CREB3L2: variants seen among roughly 807,000 people sequenced by gnomAD.
CREB3L2 encodes cyclic AMP-responsive element-binding protein 3-like protein 2.
Under a neutral mutation model 57.2 loss-of-function variants are expected in CREB3L2, and 23 were observed. The ratio of observed to expected loss-of-function variants is 0.40; its 90% CI spans 0.29 to 0.57. CREB3L2 has a LOEUF of 0.57. Ranked by LOEUF, CREB3L2 falls within the 20% of genes least tolerant of loss-of-function variation. CREB3L2 has a pLI of 0.42. For synonymous variants in CREB3L2, 268 were observed against 265.1 expected (o/e 1.01, Z -0.11); for missense variants, 628 against 634.7 (o/e 0.99, Z 0.11).
Position 137,878,996 on chromosome 7 carries a change from G to A in CREB3L2, c.*1480C>T. ...AGCCAAAACCAAAGGCATTTCAGCT[G>A]CTAATAAAAATAAAATACAAACTCT... On this transcript the variant is annotated 3_prime_UTR_variant, in exon 12 of 12. Coordinates refer to ENST00000330387, the MANE Select transcript of CREB3L2 (RefSeq NM_194071.4). 2.4e-6 allele frequency: 1 copy of A among 416,148 alleles called. No individual in the cohort carries two copies. Among genetic ancestry groups the A allele is most frequent in the Non-Finnish European group, 4.5e-6 (1 of 221,864 alleles). The allele number at this position is 416,148 out of a possible 1,614,324, so 25.8% of individuals were successfully genotyped here. A position where few individuals can be genotyped will look rare whatever the true frequency, so the allele number is the denominator to read the frequency against.
At chr7:137,922,437 CGTATATATAT>C (rs1800340045) in intron 2 of CREB3L2, among the ~76,000 whole-genome samples, 11 of 98,902 alleles carry the variant, frequency 1.1e-4, no homozygotes, top group African/African-American at 7.2e-4. Flanking sequence ...TATATATATA[CGTATATATAT>C]ATATATACAC....
At chr7:137,934,975 C>T (rs1800750141) in intron 1 of CREB3L2, among the ~76,000 whole-genome samples, 1 of 152,176 alleles carries the variant, frequency 6.6e-6, no homozygotes, top group South Asian at 2.1e-4. Flanking sequence ...TGCAACTATC[C>T]CATAAAGTTT....
intron 5 of CREB3L2, 70 bp downstream of exon 5, chr7:137,908,182 C>A: frequency 9.0e-7 from 1 of 1,105,620 alleles, no homozygotes; most frequent in South Asian, 4.6e-5. Flanking sequence ...TGGTCCTGCT[C>A]TGGATACAGC....
At chr7:137,979,521 C>A (rs55697037) in intron 1 of CREB3L2, among the ~76,000 whole-genome samples, 15 of 152,020 alleles carry the variant, frequency 9.9e-5, no homozygotes, top group African/African-American at 2.4e-4. Flanking sequence ...GTCAGGAGAT[C>A]GAGACCATCC....
intron 10 of CREB3L2, among the ~76,000 whole-genome samples, chr7:137,883,002 G>T (rs1296253003): frequency 1.3e-5 from 2 of 152,202 alleles, no homozygotes; most frequent in Non-Finnish European, 2.9e-5. Context: ...AAAAGAAGCA[G>T]CATTCCCAGT....
intron 1 of CREB3L2, among the ~76,000 whole-genome samples, chr7:137,932,947 G>C (rs1327046165): frequency 6.6e-6 from 1 of 152,202 alleles, no homozygotes; most frequent in Non-Finnish European, 1.5e-5. Context: ...GGTCTAAGCA[G>C]GCCCGAGATT....
In CREB3L2 at chr7:137,875,560, G is replaced by GA; in HGVS notation, c.*4915dup. On this transcript the variant is annotated 3_prime_UTR_variant, in exon 12 of 12. Transcript: ENST00000330387. ...AAAGATAGGAGATGGACACCTGGGG[G>GA]ACTGCTCCAGCACGAAGGGAAGCGA... The GA allele has an allele frequency of 4.5e-6, 1 of 224,018 alleles. No homozygotes were observed. Among genetic ancestry groups the GA allele is most frequent in the East Asian group, 6.4e-5 (1 of 15,532 alleles). 13.9% of individuals were successfully genotyped at this position (224,018 alleles called of 1,614,324 possible). A position where few individuals can be genotyped will look rare whatever the true frequency, so the allele number is the denominator to read the frequency against.
At position 137,875,294 on chromosome 7, in the gene CREB3L2, TA is replaced by T; in HGVS notation, c.*5181del. The T allele has an allele frequency of 1.4e-5, 3 of 218,828 alleles. No individual in the cohort carries two copies. The highest frequency in any genetic ancestry group is 1.4e-4 in the East Asian group (2 of 14,754). 13.6% of individuals were successfully genotyped at this position (218,828 alleles called of 1,614,324 possible). ...AGCTCAGGGCCTGCTCAGCATTGTT[TA>T]AAAAGGGTCACTCACAGTTTTGTCA... is the stretch of plus-strand genomic sequence containing the variant. On this transcript the variant is annotated 3_prime_UTR_variant, in exon 12 of 12. Coordinates refer to ENST00000330387, the MANE Select transcript of CREB3L2 (RefSeq NM_194071.4).
intron 5 of CREB3L2, 50 bp from the exon 6 acceptor site, chr7:137,905,898 A>G: frequency 6.6e-7 from 1 of 1,520,242 alleles, no homozygotes; most frequent in Non-Finnish European, 8.8e-7. Flanking sequence ...AACTGGGACC[A>G]CTGAAGAATC....
intron 8 of CREB3L2, 131 bp from the exon 9 acceptor site, chr7:137,885,633 C>T (rs765706466): frequency 3.0e-5 from 21 of 703,260 alleles, no homozygotes; most frequent in African/African-American, 5.4e-5. Context: ...GGACAGTTTC[C>T]TCTGGAAGAA....
intron 1 of CREB3L2, among the ~76,000 whole-genome samples, chr7:137,970,217 C>A (rs1801483899): frequency 6.6e-6 from 1 of 152,204 alleles, no homozygotes; most frequent in Non-Finnish European, 1.5e-5. Flanking sequence ...TAATAAGTCA[C>A]AGGAGTTATT....
intron 1 of CREB3L2, among the ~76,000 whole-genome samples, chr7:137,952,521 G>T (rs926417219): frequency 6.6e-6 from 1 of 152,174 alleles, no homozygotes; most frequent in Admixed American, 6.5e-5. Flanking sequence ...GCCAGTCTGT[G>T]AAATTAGCTT....
intron 2 of CREB3L2, among the ~76,000 whole-genome samples, chr7:137,926,034 G>A (rs1177338711): frequency 1.3e-5 from 2 of 152,170 alleles, no homozygotes; most frequent in Non-Finnish European, 2.9e-5. Context: ...CAATTAAAGG[G>A]CATCTCATGC....
intron 3 of CREB3L2, among the ~76,000 whole-genome samples, chr7:137,913,766 T>C (rs1400733615): frequency 1.3e-5 from 2 of 152,098 alleles, no homozygotes; most frequent in Non-Finnish European, 1.5e-5. Flanking sequence ...TCACTCCACT[T>C]TGGGGGCTTT....
chr7:137,880,868 A>G lies in CREB3L2; in HGVS notation c.1488-317T>C, dbSNP rs550035099. ...CTATTTACTTAGGATGTTTAGCCCT[A>G]TGCTAAACTCAGGGAAGGAGAAAAT... On this transcript the variant is annotated intron_variant, in intron 11 of 11. Coordinates refer to ENST00000330387, the MANE Select transcript of CREB3L2 (RefSeq NM_194071.4). This position sits in a 1 kb window ranked among gnomAD's most constrained non-coding sequence, Gnocchi z 4.0. Among the ~76,000 whole-genome samples the G allele has an allele frequency of 8.5e-5, 13 of 152,358 alleles. No individual in the cohort carries two copies. The East Asian group carries it at 2.5e-3, about 29-fold the overall frequency.
intron 7 of CREB3L2, among the ~76,000 whole-genome samples, chr7:137,903,149 T>C (rs1171056298): frequency 6.6e-6 from 1 of 152,070 alleles, no homozygotes; most frequent in East Asian, 1.9e-4. Context: ...AGACCCATGG[T>C]TGGTTGAATC....
At chr7:137,949,625 C>T (rs755628742) in intron 1 of CREB3L2, among the ~76,000 whole-genome samples, 2 of 152,110 alleles carry the variant, frequency 1.3e-5, no homozygotes, top group Non-Finnish European at 2.9e-5. Context: ...CTTTATTCAA[C>T]AGCTAACACA....
chr7:137,984,109 G>A lies in CREB3L2; in HGVS notation c.102+17495C>T, dbSNP rs571278074. On this transcript the variant is annotated intron_variant, in intron 1 of 11. Transcript: ENST00000330387. ...GCTCCCTTATCTGTGAGATGCAGGC[G>A]TCATTCTCAGCCATCTCACAGGTCC... Among the ~76,000 whole-genome samples, 18 of 152,306 alleles carry A rather than the reference G, an allele frequency of 1.2e-4. No homozygotes were observed. The South Asian group carries it at 2.7e-3, about 23-fold the overall frequency.
At chr7:137,961,103 A>G (rs1242834323) in intron 1 of CREB3L2, among the ~76,000 whole-genome samples, 1 of 150,630 alleles carries the variant, frequency 6.6e-6, no homozygotes, top group East Asian at 2.0e-4. Flanking sequence ...ATGTGGGCTT[A>G]AAAAACCAAT....
Sources: allele counts gnomAD v4.1 joint callset (sites outside exome capture counted in the v4.1 genomes callset), GRCh38; gene constraint gnomAD v4.1.1; non-coding constraint Gnocchi (gnomAD v3.1); transcripts MANE v1.5; gene names NCBI Gene and HGNC (gene_info 2026-07-23, HGNC 2026-07-21).